The following PAFAH1B1 variants were observed in gnomAD, a reference collection of about 807,000 sequenced individuals.
PAFAH1B1 encodes the protein platelet-activating factor acetylhydrolase IB subunit beta.
A neutral mutation model predicts 57.5 loss-of-function variants in PAFAH1B1; 2 were observed. The ratio of observed to expected loss-of-function variants is 0.03; its 90% confidence interval spans 0.01 to 0.11. The LOEUF (loss-of-function observed/expected upper bound fraction) is 0.11. Among genes scored for constraint, PAFAH1B1 ranks in the 10% least tolerant of loss-of-function variants. PAFAH1B1 has a pLI of 1.00. For missense variants in PAFAH1B1, 257 were observed against 512.0 expected, an observed-to-expected ratio of 0.50 and a Z score of 4.81; for synonymous variants, 152 against 169.6, an observed-to-expected ratio of 0.90 and a Z score of 0.81.
intron 1 of PAFAH1B1, chr17:2,613,494 C>A: frequency 4.1e-6 from 1 of 246,790 alleles, no homozygotes; most frequent in Non-Finnish European, 8.2e-6. Context: ...GGGAAGCTGG[C>A]CATGTAGAAG....
At chr17:2,624,748 G>A (rs890878262) in intron 1 of PAFAH1B1, among the ~76,000 whole-genome samples, 15 of 152,232 alleles carry the variant, frequency 9.9e-5, no homozygotes, top group Non-Finnish European at 1.8e-4. Context: ...TCTCTGTGTT[G>A]CCCAGGCTAG....
chr17:2,631,998 A>C (rs1444500937), intron 1 of PAFAH1B1, among the ~76,000 whole-genome samples: 1 of 152,202 alleles, frequency 6.6e-6, no homozygotes, highest in Admixed American at 6.5e-5. Flanking sequence ...TAGCAATTCA[A>C]AGCCTGTCTT....
chr17:2,662,231 G>A (rs573239297), intron 2 of PAFAH1B1, among the ~76,000 whole-genome samples: 5 of 152,190 alleles, frequency 3.3e-5, no homozygotes, highest in East Asian at 1.9e-4. Flanking sequence ...AATTTCATTC[G>A]TTATGTTTGT....
chr17:2,670,818 C>G (rs2151664522), intron 6 of PAFAH1B1, among the ~76,000 whole-genome samples: 1 of 152,200 alleles, frequency 6.6e-6, no homozygotes, highest in African/African-American at 2.4e-5. Context: ...GAGTAATTTG[C>G]TTTGGAGTCA....
intron 1 of PAFAH1B1, among the ~76,000 whole-genome samples, chr17:2,624,926 C>CT (rs2068470211): frequency 6.6e-6 from 1 of 152,052 alleles, no homozygotes; most frequent in African/African-American, 2.4e-5. Flanking sequence ...CCGGATAAGT[C>CT]TTTATTTCTT....
At chr17:2,625,958 A>G (rs940941317) in intron 1 of PAFAH1B1, among the ~76,000 whole-genome samples, 4 of 151,634 alleles carry the variant, frequency 2.6e-5, no homozygotes, top group South Asian at 4.2e-4. Context: ...AAACAGAAAA[A>G]CGTTAATAAA....
intron 1 of PAFAH1B1, among the ~76,000 whole-genome samples, chr17:2,630,548 C>T (rs2068542644): frequency 6.6e-6 from 1 of 152,160 alleles, no homozygotes; most frequent in Non-Finnish European, 1.5e-5. Context: ...AAGATTCTTT[C>T]CTTTGTCTTA....
chr17:2,597,832 G>A (rs182365466), intron 1 of PAFAH1B1, among the ~76,000 whole-genome samples: 12 of 151,936 alleles, frequency 7.9e-5, no homozygotes, highest in African/African-American at 2.9e-4. Context: ...GAGACTTTAT[G>A]GCTTATATTT....
At chr17:2,621,577 C>T (rs1000976124) in intron 1 of PAFAH1B1, among the ~76,000 whole-genome samples, 1 of 142,872 alleles carries the variant, frequency 7.0e-6, no homozygotes. Flanking sequence ...ATATATAATA[C>T]GTGCTATTCA....
intron 1 of PAFAH1B1, among the ~76,000 whole-genome samples, chr17:2,614,263 A>C (rs140551132): frequency 0.016 from 2,506 of 152,108 alleles, 73 homozygotes; most frequent in African/African-American, 0.057. Flanking sequence ...CCTGAGCTCA[A>C]GGGATCCTCA....
chr17:2,593,200 C>G (rs937316139), upstream of PAFAH1B1: 2 of 152,340 alleles, frequency 1.3e-5, no homozygotes, highest in East Asian at 3.9e-4. Context: ...GAAATCATCT[C>G]GGAGGCCGGA....
intron 2 of PAFAH1B1, chr17:2,639,333 T>C (rs2068666651): frequency 6.6e-6 from 1 of 152,218 alleles, no homozygotes; most frequent in Non-Finnish European, 1.5e-5. Flanking sequence ...CTGATGTCTT[T>C]CCTTTGCCTT....
At chr17:2,602,458 C>T (rs1409626202) in intron 1 of PAFAH1B1, among the ~76,000 whole-genome samples, 1 of 152,164 alleles carries the variant, frequency 6.6e-6, no homozygotes, top group Non-Finnish European at 1.5e-5. Context: ...CTTGACTCTT[C>T]TTTCTTCCTC....
At chr17:2,630,974 G>GC (rs1341641066) in intron 1 of PAFAH1B1, among the ~76,000 whole-genome samples, 1 of 152,214 alleles carries the variant, frequency 6.6e-6, no homozygotes, top group Non-Finnish European at 1.5e-5. Flanking sequence ...GGGCGCGGTG[G>GC]CCCACGCCTG....
At position 2,672,689 on chromosome 17, in the gene PAFAH1B1, G is replaced by A. The variant is rs747123825; in HGVS notation, c.603G>A (p.Met201Ile). 1.2e-6 allele frequency: 2 copies of A among 1,613,326 alleles called. No homozygotes were observed. Among genetic ancestry groups the A allele is most frequent in the East Asian group, 2.2e-5 (1 of 44,880 alleles). ...ACAATGTTTCTTCAGTAGCCATCAT[G>A]CCCAATGGAGATCATATAGTGTCTG... ...HDHNVSSVAI[M>I]PNGDHIVSAS... Residue 201 changes from methionine (M) to isoleucine (I), a missense_variant, in exon 7 of 11, where the codon ATG becomes ATA. Transcript: ENST00000397195.
chr17:2,678,481 G>A (rs1434813640), intron 9 of PAFAH1B1, among the ~76,000 whole-genome samples: 1 of 150,680 alleles, frequency 6.6e-6, no homozygotes, highest in Non-Finnish European at 1.5e-5. Flanking sequence ...CTTGAGAATC[G>A]TTTGCACCTG....
At chr17:2,665,482 AG>A in intron 3 of PAFAH1B1, 26 bp downstream of exon 3, 1 of 1,296,896 alleles carries the variant, frequency 7.7e-7, no homozygotes, top group Non-Finnish European at 1.1e-6. Flanking sequence ...TACAATTCAA[AG>A]TATAGTTAAT....
Position 2,657,413 on chromosome 17 carries a change from A to G in PAFAH1B1, c.33-7959A>G, listed in dbSNP as rs111321480. On this transcript the variant is annotated intron_variant, in intron 2 of 10. Transcript: ENST00000397195. ...GTGTCCACCGCCGTGCCCGGCTAAT[A>G]TTGTATTTTTAGTAGAGCTGAGGTT... 4.3e-3 allele frequency among the ~76,000 whole-genome samples: 661 copies of G among 152,166 alleles called. 5 individuals are homozygous for G. Among genetic ancestry groups the G allele is most frequent in the African/African-American group, 0.015 (637 of 41,522 alleles).
intron 1 of PAFAH1B1, among the ~76,000 whole-genome samples, chr17:2,620,296 C>T (rs1414301342): frequency 6.6e-6 from 1 of 152,156 alleles, no homozygotes; most frequent in African/African-American, 2.4e-5. Flanking sequence ...CTGTAACATT[C>T]ACCTTAGAAT....
Sources: gnomAD v4.1 joint callset for allele counts (sites outside exome capture counted in the v4.1 genomes callset) on GRCh38, gnomAD v4.1.1 for gene constraint, MANE v1.5 for transcripts, NCBI Gene and HGNC (gene_info 2026-07-23, HGNC 2026-07-21) for gene names.